Variants in SLC5A4 observed in about 807,000 individuals in gnomAD.
SLC5A4 encodes probable glucose sensor protein SLC5A4.
SLC5A4 carries 55 observed loss-of-function variants against 70.3 expected under a neutral mutation model. The ratio of observed to expected loss-of-function variants is 0.78; its 90% confidence interval spans 0.63 to 0.98. SLC5A4 has a LOEUF of 0.98. Among genes scored for constraint, SLC5A4 ranks in the 50% least tolerant of loss-of-function variants. SLC5A4 has a pLI of 0.00. For synonymous variants in SLC5A4, 268 were observed against 305.7 expected (o/e 0.88, Z 1.29); for missense variants, 735 against 839.2 (o/e 0.88, Z 1.53).
chr22:32,297,300 G>C, the SLC5A4 span, among the ~76,000 whole-genome samples: 1 of 149,288 alleles, frequency 6.7e-6, no homozygotes, highest in African/African-American at 2.5e-5. Context: ...TTTTTGGTTG[G>C]TAAGCTATTG....
Position 32,224,461 on chromosome 22 carries a change from C to A in SLC5A4, c.1471G>T (p.Val491Phe), listed in dbSNP as rs1925278723. 1.2e-6 allele frequency: 2 copies of A among 1,613,668 alleles called. No individual in the cohort carries two copies. The highest frequency in any genetic ancestry group is 3.3e-5 in the Admixed American group (2 of 59,998). The change falls in exon 13 of 15, where the codon GTT (valine) becomes TTT (phenylalanine). Residue 491 changes from valine (V) to phenylalanine (F), a missense_variant. By Grantham distance (50) the Val-to-Phe change is conservative. Coordinates refer to ENST00000266086, the MANE Select transcript of SLC5A4 (RefSeq NM_014227.3). ...NEQGAFWGLM[V>F]GLAMGLIRMI... The stretch of plus-strand genomic sequence containing the variant: ...CGAATGAGGCCCATTGCAAGTCCAA[C>A]CATTAGACCCCAGAATGCTCCCTGC...
chr22:32,237,836 G>T (rs918373117), intron 6 of SLC5A4, among the ~76,000 whole-genome samples: 8 of 152,024 alleles, frequency 5.3e-5, no homozygotes, highest in African/African-American at 1.2e-4. Context: ...GACTAACTAG[G>T]CTCTCAGTCT....
At chr22:32,296,760 T>A in the SLC5A4 span, among the ~76,000 whole-genome samples, 2 of 60,774 alleles carry the variant, frequency 3.3e-5, no homozygotes, top group South Asian at 1.3e-3. Flanking sequence ...TTCCAGTTTT[T>A]GCCCATTCAG....
At chr22:32,294,099 G>A in the SLC5A4 span, among the ~76,000 whole-genome samples, 4 of 151,394 alleles carry the variant, frequency 2.6e-5, no homozygotes, top group Admixed American at 2.6e-4. Flanking sequence ...GTGGCTTGAT[G>A]TCTTTCAGTA....
chr22:32,320,636 C>T, the SLC5A4 span, among the ~76,000 whole-genome samples: 1 of 152,190 alleles, frequency 6.6e-6, no homozygotes, highest in African/African-American at 2.4e-5. Context: ...CACGCTGAGC[C>T]CTCTGCCCTG....
At chr22:32,331,464 T>G in the SLC5A4 span, among the ~76,000 whole-genome samples, 1 of 152,090 alleles carries the variant, frequency 6.6e-6, no homozygotes, top group Non-Finnish European at 1.5e-5. Flanking sequence ...AGATCCTGCT[T>G]GAGGACAATG....
the SLC5A4 span, among the ~76,000 whole-genome samples, chr22:32,263,031 G>C: frequency 1.3e-5 from 2 of 151,604 alleles, no homozygotes; most frequent in African/African-American, 4.9e-5. Flanking sequence ...ACCTCCCAAA[G>C]TGCTGGGATT....
the SLC5A4 span, among the ~76,000 whole-genome samples, chr22:32,289,531 G>GACC: frequency 6.6e-6 from 1 of 152,154 alleles, no homozygotes; most frequent in Non-Finnish European, 1.5e-5. Flanking sequence ...CTTGTTGCTG[G>GACC]AGTGCAGTGC....
At chr22:32,339,513 G>A in the SLC5A4 span, among the ~76,000 whole-genome samples, 1 of 152,186 alleles carries the variant, frequency 6.6e-6, no homozygotes, top group African/African-American at 2.4e-5. Context: ...CAGCTAGGAG[G>A]TGTTCGACGT....
At chr22:32,308,359 A>G in the SLC5A4 span, among the ~76,000 whole-genome samples, 1 of 152,214 alleles carries the variant, frequency 6.6e-6, no homozygotes, top group Non-Finnish European at 1.5e-5. Context: ...GAAGGCAGCC[A>G]CGCCAGTGGA....
At chr22:32,345,490 TTGAG>T in the SLC5A4 span, among the ~76,000 whole-genome samples, 1 of 152,188 alleles carries the variant, frequency 6.6e-6, no homozygotes, top group Non-Finnish European at 1.5e-5. Context: ...AAACAATAAT[TTGAG>T]TCTTTTCTTC....
the SLC5A4 span, among the ~76,000 whole-genome samples, chr22:32,345,708 CA>C: frequency 6.6e-6 from 1 of 152,160 alleles, no homozygotes; most frequent in Non-Finnish European, 1.5e-5. Context: ...ACAAAAGTCC[CA>C]TCACTGTACA....
At chr22:32,322,825 A>G in the SLC5A4 span, among the ~76,000 whole-genome samples, 1 of 152,174 alleles carries the variant, frequency 6.6e-6, no homozygotes, top group Non-Finnish European at 1.5e-5. Flanking sequence ...TAATAGAAAT[A>G]TATGTACCAA....
chr22:32,231,303 C>T (rs947801853), intron 9 of SLC5A4, among the ~76,000 whole-genome samples: 23 of 152,206 alleles, frequency 1.5e-4, no homozygotes, highest in Non-Finnish European at 2.6e-4. Flanking sequence ...GATAGGGGCT[C>T]CCTTGGGACG....
chr22:32,338,703 C>T, the SLC5A4 span, among the ~76,000 whole-genome samples: 1 of 152,156 alleles, frequency 6.6e-6, no homozygotes, highest in African/African-American at 2.4e-5. Flanking sequence ...GGGGGCACCC[C>T]ATACTGGAGA....
At chr22:32,310,630 G>A in the SLC5A4 span, among the ~76,000 whole-genome samples, 6 of 152,212 alleles carry the variant, frequency 3.9e-5, no homozygotes, top group Non-Finnish European at 7.3e-5. Context: ...CCTGGACACT[G>A]GCAACACTGC....
chr22:32,280,791 G>A, the SLC5A4 span, among the ~76,000 whole-genome samples: 1 of 152,166 alleles, frequency 6.6e-6, no homozygotes, highest in Admixed American at 6.5e-5. Context: ...TGCCATTGGT[G>A]GTATTTAAGC....
intron 2 of SLC5A4, among the ~76,000 whole-genome samples, chr22:32,252,514 T>A (rs879441166): frequency 5.3e-5 from 8 of 152,264 alleles, no homozygotes; most frequent in Non-Finnish European, 7.3e-5. Context: ...GTTTTCCATA[T>A]GGACTTGGGC....
the SLC5A4 span, among the ~76,000 whole-genome samples, chr22:32,261,401 C>T: frequency 1.3e-5 from 2 of 152,230 alleles, no homozygotes; most frequent in Admixed American, 6.5e-5. Flanking sequence ...TGTCCACCTT[C>T]GTTGTTCCCA....
Sources: gnomAD v4.1 joint callset for allele counts (sites outside exome capture counted in the v4.1 genomes callset) on GRCh38, gnomAD v4.1.1 for gene constraint, MANE v1.5 for transcripts, NCBI Gene and HGNC (gene_info 2026-07-23, HGNC 2026-07-21) for gene names.